The following KCNK9 variants were observed in gnomAD, a reference collection of about 807,000 sequenced individuals.
KCNK9 encodes potassium channel subfamily K member 9.
Under a neutral mutation model 10.8 loss-of-function variants are expected in KCNK9, and 1 was observed. The observed-to-expected ratio is 0.09, with a 90% CI of 0.03 to 0.44. The LOEUF (loss-of-function observed/expected upper bound fraction) is 0.44. Ranked by LOEUF, KCNK9 falls within the 20% of genes least tolerant of loss-of-function variation. The pLI is 0.97. For synonymous variants in KCNK9, 231 were observed against 222.7 expected (o/e 1.04, Z -0.33); for missense variants, 303 against 515.0 (o/e 0.59, Z 3.98).
chr8:139,665,215 T>G (rs1391081506), intron 1 of KCNK9, among the ~76,000 whole-genome samples: 4 of 152,184 alleles, frequency 2.6e-5, no homozygotes. Context: ...CTGAGGGCCA[T>G]CCGGGAGAGG....
chr8:139,687,795 G>A (rs1461848240), intron 1 of KCNK9, among the ~76,000 whole-genome samples: 2 of 150,812 alleles, frequency 1.3e-5, no homozygotes, highest in Non-Finnish European at 3.0e-5. Flanking sequence ...GGCCAATCTT[G>A]TTTTATCTAA....
chr8:139,648,962 G>A lies in KCNK9; in HGVS notation c.284-29863C>T, dbSNP rs138160076. ...ACAAAGGGGAAGAAAGCCACTGGAC[G>A]CCTAAGAAATTACTTCTGTTGATTT... is the stretch of plus-strand genomic sequence containing the variant. On this transcript the variant is annotated intron_variant, in intron 1 of 1. Coordinates refer to ENST00000520439, the MANE Select transcript of KCNK9 (RefSeq NM_001282534.2). 8.1e-4 allele frequency among the ~76,000 whole-genome samples: 123 copies of A among 152,276 alleles called. 1 individual carries two copies. Among genetic ancestry groups the A allele is most frequent in the African/African-American group, 2.8e-3 (116 of 41,556 alleles).
At chr8:139,653,807 G>A (rs1281969207) in intron 1 of KCNK9, among the ~76,000 whole-genome samples, 3 of 152,190 alleles carry the variant, frequency 2.0e-5, no homozygotes, top group East Asian at 1.9e-4. Context: ...AGAGGCCCAC[G>A]CGGAGCTCAC....
chr8:139,668,717 C>G (rs186197298), intron 1 of KCNK9, among the ~76,000 whole-genome samples: 1 of 152,200 alleles, frequency 6.6e-6, no homozygotes, highest in Non-Finnish European at 1.5e-5. Flanking sequence ...CCACCGCGCC[C>G]GTCGTGTAAA....
At position 139,617,200 on chromosome 8, in the gene KCNK9, A is replaced by C. The variant is rs1479479026; in HGVS notation, c.*1058T>G. Among the ~76,000 whole-genome samples the C allele has an allele frequency of 6.6e-6, 1 of 152,170 alleles. No homozygotes were observed. The highest frequency in any genetic ancestry group is 1.5e-5 in the Non-Finnish European group (1 of 68,012). On this transcript the variant is annotated 3_prime_UTR_variant, in exon 2 of 2. Coordinates refer to ENST00000520439, the MANE Select transcript of KCNK9 (RefSeq NM_001282534.2). The stretch of plus-strand genomic sequence containing the variant: ...GGAAAAGGAACCACAGCCACATACT[A>C]ATACCCATTCTCACCCAAGCATTCC...
intron 1 of KCNK9, among the ~76,000 whole-genome samples, chr8:139,647,919 C>A (rs1330039457): frequency 6.6e-6 from 1 of 152,168 alleles, no homozygotes; most frequent in African/African-American, 2.4e-5. Flanking sequence ...CCACATGACC[C>A]AGCAATCCCA....
intron 1 of KCNK9, among the ~76,000 whole-genome samples, chr8:139,684,978 A>G (rs1816760085): frequency 6.6e-6 from 1 of 152,256 alleles, no homozygotes; most frequent in Admixed American, 6.5e-5. Flanking sequence ...TTTAAACACT[A>G]CATGTGCTAA....
At chr8:139,637,646 T>G (rs1815377111) in intron 1 of KCNK9, among the ~76,000 whole-genome samples, 1 of 152,098 alleles carries the variant, frequency 6.6e-6, no homozygotes, top group African/African-American at 2.4e-5. Flanking sequence ...ATACAAAGTT[T>G]GTTATGCAAA....
Position 139,703,071 on chromosome 8 carries a change from GCCGCCGCCGCCTCCTCCT to G in KCNK9, c.-97_-80del. Reference sequence around the variant, plus strand: ...GCGCGTCCCACTGCAGCGCCCGGCGGCCGCCGCCGCCTCCTCCTCCGCCGCCGCCGCCGCCGCCTCCAA... The same window carrying G: ...GCGCGTCCCACTGCAGCGCCCGGCGGCCGCCGCCGCCGCCGCCGCCTCCAA... On this transcript the variant is annotated 5_prime_UTR_variant, in exon 1 of 2. Coordinates refer to ENST00000520439, the MANE Select transcript of KCNK9 (RefSeq NM_001282534.2). This position sits in a 1 kb window ranked among gnomAD's most constrained non-coding sequence, Gnocchi z 6.4. The G allele has an allele frequency of 1.6e-6, 2 of 1,251,508 alleles. No individual in the cohort carries two copies. The highest frequency in any genetic ancestry group is 2.8e-5 in the South Asian group (1 of 36,226). The allele number at this position is 1,251,508 out of a possible 1,614,324, so 77.5% of individuals were successfully genotyped here. A position where few individuals can be genotyped will look rare whatever the true frequency, so the allele number is the denominator to read the frequency against.
chr8:139,651,044 T>A (rs1815847307), intron 1 of KCNK9, among the ~76,000 whole-genome samples: 1 of 152,022 alleles, frequency 6.6e-6, no homozygotes, highest in African/African-American at 2.4e-5. Flanking sequence ...CCCACCCCCT[T>A]CTGCTTCTTC....
At chr8:139,694,191 G>A (rs147230504) in intron 1 of KCNK9, among the ~76,000 whole-genome samples, 116 of 152,272 alleles carry the variant, frequency 7.6e-4, no homozygotes, top group African/African-American at 2.7e-3. Flanking sequence ...AGTGGCAAGG[G>A]GAAGCTGAAA....
At chr8:139,622,555 C>T (rs1814823083) in intron 1 of KCNK9, among the ~76,000 whole-genome samples, 1 of 152,210 alleles carries the variant, frequency 6.6e-6, no homozygotes, top group African/African-American at 2.4e-5. Context: ...GTTCCAGGAA[C>T]TGCACCCTTG....
rs528329931 is a variant in KCNK9, at chr8:139,633,610, G to A, written c.284-14511C>T. On this transcript the variant is annotated intron_variant, in intron 1 of 1. Coordinates refer to ENST00000520439, the MANE Select transcript of KCNK9 (RefSeq NM_001282534.2). ...CAGGCACACTCAGACATGTACATAC[G>A]CAGCCCAGAGGCCCGGCTCTCCCAG... 7.2e-5 allele frequency among the ~76,000 whole-genome samples: 11 copies of A among 152,254 alleles called. No homozygotes were observed. In the South Asian group the frequency reaches 8.3e-4, roughly 11 times the overall value.
chr8:139,652,326 A>G (rs1057356517), intron 1 of KCNK9, among the ~76,000 whole-genome samples: 4 of 152,212 alleles, frequency 2.6e-5, no homozygotes, highest in African/African-American at 7.2e-5. Context: ...TCTTGTTCCA[A>G]GCAGATTCTC....
intron 1 of KCNK9, 143 bp from the exon 2 acceptor site, chr8:139,619,242 C>T (rs943884266): frequency 2.2e-6 from 2 of 899,378 alleles, no homozygotes; most frequent in East Asian, 2.7e-5. Flanking sequence ...GGTAGAGGGG[C>T]GTGGCCATAT....
rs571139712 is a variant in KCNK9, at chr8:139,702,145, A to G, written c.283+565T>C. Among the ~76,000 whole-genome samples the G allele has an allele frequency of 3.3e-5, 5 of 152,130 alleles. No homozygotes were observed. The highest frequency in any genetic ancestry group is 7.4e-5 in the Non-Finnish European group (5 of 68,012). ...GCTCCAGAACTGGAACTCAGGGGAA[A>G]AAAGGAGCCGGGCGGGGGGAAGAGA... On this transcript the variant is annotated intron_variant, in intron 1 of 1. Transcript: ENST00000520439. The surrounding 1 kb of genome is among the most constrained non-coding windows in gnomAD (Gnocchi z 7.5).
intron 1 of KCNK9, among the ~76,000 whole-genome samples, chr8:139,621,336 A>G (rs1485377019): frequency 2.6e-5 from 4 of 152,066 alleles, no homozygotes; most frequent in Non-Finnish European, 5.9e-5. Context: ...ACACAAACTT[A>G]TAGATTCAAG....
rs1409275039 is a variant in KCNK9 at position 139,703,087 on chromosome 8, C to G, written c.-95G>C. The G allele has an allele frequency of 1.8e-6, 2 of 1,132,616 alleles. No homozygotes were observed. The highest frequency in any genetic ancestry group is 6.7e-5 in the East Asian group (2 of 29,700). 70.2% of individuals were successfully genotyped at this position (1,132,616 alleles called of 1,614,324 possible). A position where few individuals can be genotyped will look rare whatever the true frequency, so the allele number is the denominator to read the frequency against. On this transcript the variant is annotated 5_prime_UTR_variant, in exon 1 of 2. Coordinates refer to ENST00000520439, the MANE Select transcript of KCNK9 (RefSeq NM_001282534.2). This position sits in a 1 kb window ranked among gnomAD's most constrained non-coding sequence, Gnocchi z 6.4. Reference sequence around the variant, plus strand: ...CGCCCGGCGGCCGCCGCCGCCTCCTCCTCCGCCGCCGCCGCCGCCGCCTCC... The same window carrying G: ...CGCCCGGCGGCCGCCGCCGCCTCCTGCTCCGCCGCCGCCGCCGCCGCCTCC...
At chr8:139,610,729 A>G (rs1205774145), downstream of KCNK9, among the ~76,000 whole-genome samples, 3 of 152,248 alleles carry the variant, frequency 2.0e-5, no homozygotes, top group African/African-American at 7.2e-5. Flanking sequence ...GACTCGGGCT[A>G]GGGTGGTTAG....
Sources: gnomAD v4.1 joint callset for allele counts (sites outside exome capture counted in the v4.1 genomes callset) on GRCh38, gnomAD v4.1.1 for gene constraint, Gnocchi (gnomAD v3.1) non-coding constraint, MANE v1.5 for transcripts, NCBI Gene and HGNC (gene_info 2026-07-23, HGNC 2026-07-21) for gene names.